The following NLGN1 variants were observed in gnomAD, a reference collection of about 807,000 sequenced individuals.
The protein encoded by NLGN1 is neuroligin-1.
NLGN1 carries 12 observed loss-of-function variants against 65.5 expected under a neutral mutation model. The ratio of observed to expected loss-of-function variants is 0.18; its 90% CI spans 0.12 to 0.30. NLGN1 has a LOEUF of 0.30. Ranked by LOEUF, NLGN1 falls within the 10% of genes least tolerant of loss-of-function variation. The pLI is 1.00. For missense variants in NLGN1, 750 were observed against 1,007.1 expected, an observed-to-expected ratio of 0.74 and a Z score of 3.46; for synonymous variants, 350 against 359.5, an observed-to-expected ratio of 0.97 and a Z score of 0.30.
At chr3:173,464,647 C>T (rs1724008510) in intron 2 of NLGN1, among the ~76,000 whole-genome samples, 1 of 151,972 alleles carries the variant, frequency 6.6e-6, no homozygotes, top group South Asian at 2.1e-4. Flanking sequence ...GTTGGTCAGG[C>T]TGCTCTCGAA....
Position 174,256,712 on chromosome 3 carries a change from C to G in NLGN1, c.647-18603C>G, listed in dbSNP as rs2152851456. 2.6e-5 allele frequency among the ~76,000 whole-genome samples: 4 copies of G among 152,134 alleles called. No individual in the cohort carries two copies. The East Asian group carries it at 7.7e-4, about 29-fold the overall frequency. On this transcript the variant is annotated intron_variant, in intron 4 of 6. Coordinates refer to ENST00000457714, the Ensembl canonical transcript of NLGN1. ...TAGGAATAAGCTTCAGTTTCTGTTTCCTGTAATTACTAGAATTTTTAAATA... is the reference window on the plus strand; with the variant it reads ...TAGGAATAAGCTTCAGTTTCTGTTTGCTGTAATTACTAGAATTTTTAAATA...
chr3:173,747,052 TTA>T (rs201945244), intron 3 of NLGN1, among the ~76,000 whole-genome samples: 2,380 of 81,742 alleles, frequency 0.029, 27 homozygotes, highest in African/African-American at 0.048. Flanking sequence ...AAAGAAAAAA[TTA>T]TATATACACA....
chr3:173,694,532 A>G (rs1307881633), intron 3 of NLGN1, among the ~76,000 whole-genome samples: 1 of 152,216 alleles, frequency 6.6e-6, no homozygotes, highest in African/African-American at 2.4e-5. Flanking sequence ...TGTGATAAAA[A>G]GAAGCAAAAC....
chr3:173,805,706 G>A (rs1283234249), intron 3 of NLGN1, among the ~76,000 whole-genome samples: 1 of 152,146 alleles, frequency 6.6e-6, no homozygotes, highest in South Asian at 2.1e-4. Flanking sequence ...CTACCTCCAA[G>A]CATACAATTA....
intron 4 of NLGN1, among the ~76,000 whole-genome samples, chr3:173,944,846 G>T (rs181419455): frequency 4.6e-5 from 7 of 152,188 alleles, no homozygotes; most frequent in East Asian, 1.9e-4. Context: ...GTACAGAGTT[G>T]GTATTCAGTA....
intron 1 of NLGN1, among the ~76,000 whole-genome samples, chr3:173,429,391 G>A (rs1345128470): frequency 6.6e-6 from 1 of 151,878 alleles, no homozygotes; most frequent in Non-Finnish European, 1.5e-5. Flanking sequence ...TTTCTGCACC[G>A]ATTTACTGTG....
intron 2 of NLGN1, among the ~76,000 whole-genome samples, chr3:173,566,675 CTA>C (rs1402194180): frequency 6.6e-6 from 1 of 152,070 alleles, no homozygotes. Context: ...TAACTATCTG[CTA>C]TTAATCCTTG....
chr3:174,246,935 C>T (rs969150494), intron 4 of NLGN1, among the ~76,000 whole-genome samples: 7 of 152,166 alleles, frequency 4.6e-5, no homozygotes, highest in Non-Finnish European at 1.0e-4. Flanking sequence ...CCAACCTAAA[C>T]ACCCATTGAT....
chr3:174,274,346 A>ATGT (rs1553987905), intron 4 of NLGN1, among the ~76,000 whole-genome samples: 3 of 151,904 alleles, frequency 2.0e-5, no homozygotes, highest in Non-Finnish European at 4.4e-5. Context: ...ATGAGTGAAT[A>ATGT]TGTTTAAGAT....
At chr3:173,965,361 A>C (rs1714597620) in intron 4 of NLGN1, among the ~76,000 whole-genome samples, 1 of 151,996 alleles carries the variant, frequency 6.6e-6, no homozygotes, top group Non-Finnish European at 1.5e-5. Context: ...CCCATCACCC[A>C]GACTAGAGTG....
At chr3:174,192,499 A>G (rs1036522758) in intron 4 of NLGN1, among the ~76,000 whole-genome samples, 2 of 152,176 alleles carry the variant, frequency 1.3e-5, no homozygotes, top group African/African-American at 4.8e-5. Flanking sequence ...TTAACAGGGC[A>G]AATACTTTTA....
chr3:173,792,606 T>C (rs1713050108), intron 3 of NLGN1, among the ~76,000 whole-genome samples: 1 of 152,086 alleles, frequency 6.6e-6, no homozygotes, highest in South Asian at 2.1e-4. Context: ...ATGAAGTCAC[T>C]GTTTTGTTCA....
At position 174,240,783 on chromosome 3, in the gene NLGN1, T is replaced by A. The variant is rs189458571; in HGVS notation, c.647-34532T>A. On this transcript the variant is annotated intron_variant, in intron 4 of 6. Transcript: ENST00000457714. ...AAAGCAAAGTAGGGGTTCAAGCACA[T>A]GTTATATGTAAGAGAATTTGTGGGT... Among the ~76,000 whole-genome samples the A allele has an allele frequency of 7.2e-5, 11 of 152,266 alleles. No individual in the cohort carries two copies. In the East Asian group the frequency reaches 2.1e-3, roughly 29 times the overall value.
At chr3:173,606,666 A>G (rs369854442) in intron 3 of NLGN1, among the ~76,000 whole-genome samples, 6 of 151,620 alleles carry the variant, frequency 4.0e-5, no homozygotes, top group East Asian at 3.9e-4. Flanking sequence ...AAAATTCATA[A>G]CTCAGTTCAG....
intron 3 of NLGN1, among the ~76,000 whole-genome samples, chr3:173,766,486 T>C (rs1427881852): frequency 6.6e-6 from 1 of 152,186 alleles, no homozygotes; most frequent in African/African-American, 2.4e-5. Context: ...TTAATTGTTA[T>C]ACTAGTAGTA....
At chr3:174,193,070 A>G (rs910698974) in intron 4 of NLGN1, among the ~76,000 whole-genome samples, 5 of 152,170 alleles carry the variant, frequency 3.3e-5, no homozygotes, top group Non-Finnish European at 7.4e-5. Flanking sequence ...CTAAACTACT[A>G]AAAGTTTGGT....
chr3:174,107,023 G>C (rs111790038), intron 4 of NLGN1, among the ~76,000 whole-genome samples: 10,549 of 123,318 alleles, frequency 0.086, 424 homozygotes, highest in African/African-American at 0.17. Flanking sequence ...CACACAGAGA[G>C]AGAGAGAGAG....
chr3:173,505,399 G>C (rs9879017), intron 2 of NLGN1, among the ~76,000 whole-genome samples: 26,304 of 152,016 alleles, frequency 0.17, 3,861 homozygotes, highest in African/African-American at 0.4. Context: ...CATCATGCCA[G>C]TGCCTTACTT....
chr3:174,240,543 T>C (rs930895061), intron 4 of NLGN1, among the ~76,000 whole-genome samples: 7 of 151,956 alleles, frequency 4.6e-5, no homozygotes, highest in Non-Finnish European at 1.0e-4. Flanking sequence ...AGGAAAAAAG[T>C]CCGTAAGAAA....
Sources: allele counts gnomAD v4.1 joint callset (sites outside exome capture counted in the v4.1 genomes callset), GRCh38; gene constraint gnomAD v4.1.1; transcripts MANE v1.5; gene names NCBI Gene and HGNC (gene_info 2026-07-23, HGNC 2026-07-21).